Variants in ZNF248 observed in about 807,000 individuals in gnomAD.
The protein encoded by ZNF248 is KRAB protein domain.
In ZNF248, 20 loss-of-function variants were observed where a neutral mutation model predicts 44.3. That is an observed-to-expected ratio of 0.45 (90% CI 0.32 to 0.66). The LOEUF is 0.66. Ranked by LOEUF, ZNF248 falls within the 30% of genes least tolerant of loss-of-function variation. The pLI, the probability that ZNF248 is intolerant of heterozygous loss-of-function variation, is 0.04. For missense variants in ZNF248, 654 were observed against 677.0 expected, an observed-to-expected ratio of 0.97 and a Z score of 0.38; for synonymous variants, 224 against 229.0, an observed-to-expected ratio of 0.98 and a Z score of 0.20.
chr10:37,791,209 T>A (rs965860444), intron 6 of ZNF248, among the ~76,000 whole-genome samples: 3 of 151,412 alleles, frequency 2.0e-5, no homozygotes, highest in African/African-American at 7.3e-5. Context: ...GACCGGCTAA[T>A]TTTTTTGTAT....
At chr10:37,811,799 A>C (rs527757018) in intron 6 of ZNF248, among the ~76,000 whole-genome samples, 2 of 152,106 alleles carry the variant, frequency 1.3e-5, no homozygotes, top group African/African-American at 4.8e-5. Context: ...GTAAGCTGTG[A>C]TCATGCCACT....
intron 5 of ZNF248, among the ~76,000 whole-genome samples, chr10:37,835,794 C>T (rs1452124196): frequency 6.6e-6 from 1 of 152,216 alleles, no homozygotes; most frequent in Non-Finnish European, 1.5e-5. Flanking sequence ...GACTTCTGCT[C>T]TTGAAGATCT....
intron 6 of ZNF248, chr10:37,820,671 C>A: frequency 7.0e-7 from 1 of 1,419,056 alleles, no homozygotes; most frequent in South Asian, 1.1e-5. Context: ...TTTCGCTGGT[C>A]ATTCTGCTTT....
chr10:37,815,753 G>A (rs1229418475), intron 6 of ZNF248, among the ~76,000 whole-genome samples: 2 of 151,940 alleles, frequency 1.3e-5, no homozygotes, highest in South Asian at 2.1e-4. Flanking sequence ...TATCTCTGGA[G>A]ATCAGATTCT....
chr10:37,831,606 T>G lies in ZNF248; in HGVS notation c.*9A>C. The G allele has an allele frequency of 6.2e-7, 1 of 1,610,502 alleles. No individual in the cohort carries two copies. The highest frequency in any genetic ancestry group is 8.5e-7 in the Non-Finnish European group (1 of 1,177,376). ...ACCAATTTCACAAGTGTATGAAGGCTTCTAACATTCAGGATGTTGAAAGAG... is the reference window on the plus strand; with the variant it reads ...ACCAATTTCACAAGTGTATGAAGGCGTCTAACATTCAGGATGTTGAAAGAG... On this transcript the variant is annotated 3_prime_UTR_variant, in exon 6 of 6. Coordinates refer to ENST00000395867, the MANE Select transcript of ZNF248 (RefSeq NM_021045.3).
intron 6 of ZNF248, chr10:37,784,148 C>G (rs965499714): frequency 1.3e-5 from 2 of 152,250 alleles, no homozygotes; most frequent in African/African-American, 4.8e-5. Flanking sequence ...ACCAGAGCAA[C>G]AGTACACTGG....
chr10:37,823,868 C>T (rs1182953450), downstream of ZNF248, among the ~76,000 whole-genome samples: 2 of 151,996 alleles, frequency 1.3e-5, no homozygotes, highest in African/African-American at 2.4e-5. Flanking sequence ...GCCACCATAC[C>T]AGGGCAAAGA....
chr10:37,827,077 G>A (rs919519408), downstream of ZNF248, among the ~76,000 whole-genome samples: 3 of 152,146 alleles, frequency 2.0e-5, no homozygotes, highest in Non-Finnish European at 2.9e-5. Context: ...ATCAGCATAG[G>A]GGAATCTAGG....
chr10:37,791,815 C>T (rs2048583542), intron 6 of ZNF248: 1 of 152,230 alleles, frequency 6.6e-6, no homozygotes. Context: ...GCAGCAGTGA[C>T]TACTGCAGCT....
chr10:37,814,357 C>A (rs2052078946), intron 6 of ZNF248, among the ~76,000 whole-genome samples: 1 of 152,076 alleles, frequency 6.6e-6, no homozygotes, highest in East Asian at 1.9e-4. Flanking sequence ...TCCAGAGACA[C>A]AAAACATTTT....
the ZNF248 span, among the ~76,000 whole-genome samples, chr10:37,770,604 C>T: frequency 6.6e-6 from 1 of 152,088 alleles, no homozygotes; most frequent in African/African-American, 2.4e-5. Context: ...TTCCTTACAC[C>T]TTATACAAAA....
intron 3 of ZNF248, among the ~76,000 whole-genome samples, chr10:37,854,497 A>C (rs1020030784): frequency 6.6e-6 from 1 of 152,258 alleles, no homozygotes; most frequent in African/African-American, 2.4e-5. Context: ...CTCAGTGAAG[A>C]AAATCGCAGA....
downstream of ZNF248, among the ~76,000 whole-genome samples, chr10:37,826,902 G>C (rs188585673): frequency 1.3e-5 from 2 of 152,240 alleles, no homozygotes; most frequent in East Asian, 3.9e-4. Flanking sequence ...TTCTCTACAG[G>C]CTCATATATA....
chr10:37,775,087 C>A (rs919937950), downstream of ZNF248, among the ~76,000 whole-genome samples: 1 of 152,024 alleles, frequency 6.6e-6, no homozygotes, highest in Non-Finnish European at 1.5e-5. Flanking sequence ...TTTATTCTTA[C>A]GGTCAAAACA....
At chr10:37,768,855 C>T in the ZNF248 span, among the ~76,000 whole-genome samples, 1 of 151,974 alleles carries the variant, frequency 6.6e-6, no homozygotes, top group Non-Finnish European at 1.5e-5. Context: ...AAAGGATCAA[C>T]AAAATAGATA....
At chr10:37,842,505 A>G (rs1276433934) in intron 3 of ZNF248, among the ~76,000 whole-genome samples, 2 of 152,170 alleles carry the variant, frequency 1.3e-5, no homozygotes, top group African/African-American at 2.4e-5. Context: ...GAGACGGCAG[A>G]CCGCATTCCA....
chr10:37,771,386 C>A, the ZNF248 span, among the ~76,000 whole-genome samples: 1 of 151,990 alleles, frequency 6.6e-6, no homozygotes, highest in South Asian at 2.1e-4. Context: ...TGTCCAACAA[C>A]GATAGACTGG....
At chr10:37,808,361 C>T (rs1225880282) in intron 6 of ZNF248, among the ~76,000 whole-genome samples, 1 of 151,596 alleles carries the variant, frequency 6.6e-6, no homozygotes, top group Non-Finnish European at 1.5e-5. Context: ...CAGCTCACTG[C>T]AACCTCCACT....
At chr10:37,820,147 C>G in intron 6 of ZNF248, 1 of 1,104,658 alleles carries the variant, frequency 9.1e-7, no homozygotes, top group South Asian at 1.2e-5. Flanking sequence ...ATCATCTATT[C>G]TTCCCTCCTT....
Sources: allele counts gnomAD v4.1 joint callset (sites outside exome capture counted in the v4.1 genomes callset), GRCh38; gene constraint gnomAD v4.1.1; transcripts MANE v1.5; gene names NCBI Gene and HGNC (gene_info 2026-07-23, HGNC 2026-07-21).